KIAA0232: variants seen among roughly 807,000 people sequenced by gnomAD.
The protein encoded by KIAA0232 is uncharacterized protein KIAA0232.
In KIAA0232, 27 loss-of-function variants were observed where a neutral mutation model predicts 122.0. The observed-to-expected ratio is 0.22, with a 90% confidence interval of 0.16 to 0.31. The LOEUF (loss-of-function observed/expected upper bound fraction) is 0.31, where lower values mean the gene tolerates loss of function less well. Ranked by LOEUF, KIAA0232 falls within the 10% of genes least tolerant of loss-of-function variation. The pLI is 1.00. For missense variants in KIAA0232, 1,551 were observed against 1,634.2 expected, an observed-to-expected ratio of 0.95 and a Z score of 0.88; for synonymous variants, 613 against 587.6, an observed-to-expected ratio of 1.04 and a Z score of -0.63.
chr4:6,819,671 C>T (rs1266775073), intron 2 of KIAA0232, among the ~76,000 whole-genome samples: 2 of 152,116 alleles, frequency 1.3e-5, no homozygotes, highest in African/African-American at 2.4e-5. Flanking sequence ...ATTAGTTCAG[C>T]CACTGTGGAA....
Position 6,861,381 on chromosome 4 carries a change from G to C in KIAA0232, c.999G>C (p.Arg333Ser). The change falls in exon 7 of 10, where the codon AGG (arginine) becomes AGC (serine). Residue 333 changes from arginine (R) to serine (S), a missense_variant. By Grantham distance (110) the Arg-to-Ser change is moderately radical. Transcript: ENST00000307659. ...RNKKGRNGQS[R>S]LSLKHGEKAE... ...AAAAAGGGCGGAATGGGCAAAGCAGGCTTTCTTTGAAGCACGGTGAAAAGG... is the reference window on the plus strand; with the variant it reads ...AAAAAGGGCGGAATGGGCAAAGCAGCCTTTCTTTGAAGCACGGTGAAAAGG... The C allele has an allele frequency of 6.2e-7, 1 of 1,614,190 alleles. No homozygotes were observed. The highest frequency in any genetic ancestry group is 8.5e-7 in the Non-Finnish European group (1 of 1,180,040).
chr4:6,794,915 T>A (rs561873637), intron 1 of KIAA0232, among the ~76,000 whole-genome samples: 8 of 152,248 alleles, frequency 5.3e-5, no homozygotes, highest in African/African-American at 1.7e-4. Flanking sequence ...CCTTGTCTAG[T>A]AGCTTGGTAG....
intron 1 of KIAA0232, among the ~76,000 whole-genome samples, chr4:6,785,025 C>T (rs1483163930): frequency 6.6e-6 from 1 of 151,868 alleles, no homozygotes; most frequent in Non-Finnish European, 1.5e-5. Flanking sequence ...GCAACCTCCG[C>T]CCGCCGGGTA....
chr4:6,845,378 C>T (rs1335058117), intron 4 of KIAA0232, among the ~76,000 whole-genome samples: 1 of 151,986 alleles, frequency 6.6e-6, no homozygotes, highest in Non-Finnish European at 1.5e-5. Flanking sequence ...TTAAAAAATA[C>T]AGGGACAGGG....
At chr4:6,787,778 A>G (rs1194715515) in intron 1 of KIAA0232, among the ~76,000 whole-genome samples, 2 of 152,128 alleles carry the variant, frequency 1.3e-5, no homozygotes, top group African/African-American at 4.8e-5. Flanking sequence ...TAATAGGCAA[A>G]TCAAATCATA....
chr4:6,783,110 A>G (rs1008871772), intron 1 of KIAA0232, among the ~76,000 whole-genome samples: 2 of 151,458 alleles, frequency 1.3e-5, no homozygotes, highest in Admixed American at 6.6e-5. Context: ...CTCCGGGGCC[A>G]GCCTGAGGGA....
intron 2 of KIAA0232, among the ~76,000 whole-genome samples, chr4:6,821,968 A>G (rs1718446310): frequency 6.6e-6 from 1 of 151,924 alleles, no homozygotes. Flanking sequence ...GGTCATACTT[A>G]TCTTTTGTTT....
chr4:6,819,704 G>T (rs1309709363), intron 2 of KIAA0232, among the ~76,000 whole-genome samples: 2 of 152,108 alleles, frequency 1.3e-5, no homozygotes, highest in African/African-American at 2.4e-5. Context: ...ATTTCTCAAA[G>T]AACTTAAAAC....
At chr4:6,784,838 G>A (rs1348855333) in intron 1 of KIAA0232, among the ~76,000 whole-genome samples, 1 of 152,028 alleles carries the variant, frequency 6.6e-6, no homozygotes, top group Non-Finnish European at 1.5e-5. Context: ...GTTTGCTTTG[G>A]AGAAAAAGTA....
intron 1 of KIAA0232, among the ~76,000 whole-genome samples, chr4:6,797,242 T>G (rs1717169487): frequency 6.6e-6 from 1 of 152,102 alleles, no homozygotes; most frequent in Admixed American, 6.5e-5. Context: ...CTTGCCAGGG[T>G]GGGCAAAAGA....
chr4:6,880,721 AGAGT>A (rs1318129957), intron 9 of KIAA0232, 62 bp from the exon 10 acceptor site: 3 of 1,053,438 alleles, frequency 2.8e-6, no homozygotes, highest in African/African-American at 3.3e-5. Flanking sequence ...GTATATAGAT[AGAGT>A]ATCTCACCCT....
At chr4:6,825,622 G>C (rs894510677) in intron 3 of KIAA0232, among the ~76,000 whole-genome samples, 2 of 151,750 alleles carry the variant, frequency 1.3e-5, no homozygotes, top group African/African-American at 2.4e-5. Context: ...ACCAAATACA[G>C]GTTCTTGAAA....
chr4:6,833,365 C>T (rs1269217292), intron 3 of KIAA0232, among the ~76,000 whole-genome samples: 2 of 152,044 alleles, frequency 1.3e-5, no homozygotes, highest in Admixed American at 6.5e-5. Flanking sequence ...CTTTCTAGAA[C>T]CTTCCCTATC....
chr4:6,865,489 C>T (rs1156789497), intron 7 of KIAA0232, among the ~76,000 whole-genome samples: 4 of 152,158 alleles, frequency 2.6e-5, no homozygotes, highest in Non-Finnish European at 5.9e-5. Flanking sequence ...TTAGTAGAGA[C>T]GGGGTTTTAC....
intron 1 of KIAA0232, among the ~76,000 whole-genome samples, chr4:6,788,578 C>A (rs1446098324): frequency 6.6e-6 from 1 of 152,168 alleles, no homozygotes; most frequent in African/African-American, 2.4e-5. Context: ...GAAGGTCTTT[C>A]CTGGATTATA....
chr4:6,811,260 T>C (rs761211777), intron 2 of KIAA0232, among the ~76,000 whole-genome samples: 2 of 152,142 alleles, frequency 1.3e-5, no homozygotes, highest in Non-Finnish European at 2.9e-5. Context: ...ATACACACAA[T>C]AGAATGCTAT....
intron 3 of KIAA0232, among the ~76,000 whole-genome samples, chr4:6,841,772 A>C (rs2109137238): frequency 6.6e-6 from 1 of 152,352 alleles, no homozygotes; most frequent in Non-Finnish European, 1.5e-5. Context: ...GTGCACCAAA[A>C]ACTATAAAGC....
chr4:6,837,320 G>T (rs1013038501), intron 3 of KIAA0232, among the ~76,000 whole-genome samples: 1 of 151,834 alleles, frequency 6.6e-6, no homozygotes, highest in African/African-American at 2.4e-5. Flanking sequence ...ATGGGGTCGC[G>T]GCTGGGCAGA....
chr4:6,783,801 A>C (rs1328793650), intron 1 of KIAA0232, among the ~76,000 whole-genome samples: 2 of 152,162 alleles, frequency 1.3e-5, no homozygotes, highest in Non-Finnish European at 1.5e-5. Context: ...CTGCGCGGCA[A>C]ACCCTGTCGC....
Sources: allele counts gnomAD v4.1 joint callset (sites outside exome capture counted in the v4.1 genomes callset), GRCh38; gene constraint gnomAD v4.1.1; transcripts MANE v1.5; gene names NCBI Gene and HGNC (gene_info 2026-07-23, HGNC 2026-07-21).